Variants in FXN observed in about 807,000 individuals in gnomAD.
FXN encodes the protein frataxin, also known as frataxin, mitochondrial.
A neutral mutation model predicts 22.4 loss-of-function variants in FXN; 14 were observed. That is an observed-to-expected ratio of 0.62 (90% confidence interval 0.41 to 0.98). The LOEUF is 0.98. Among genes scored for constraint, FXN ranks in the 50% least tolerant of loss-of-function variants. FXN has a pLI of 0.00. For synonymous variants in FXN, 120 were observed against 114.1 expected, an observed-to-expected ratio of 1.05 and a Z score of -0.33; for missense variants, 267 against 268.4, an observed-to-expected ratio of 0.99 and a Z score of 0.04.
At chr9:69,069,199 A>G (rs1832226836) in intron 4 of FXN, among the ~76,000 whole-genome samples, 1 of 152,222 alleles carries the variant, frequency 6.6e-6, no homozygotes, top group South Asian at 2.1e-4. Flanking sequence ...CCCTGTCTCT[A>G]CTAAAAATAC....
chr9:69,070,853 T>A (rs577146696), intron 4 of FXN, among the ~76,000 whole-genome samples: 117 of 152,170 alleles, frequency 7.7e-4, no homozygotes, highest in African/African-American at 2.6e-3. Flanking sequence ...ATTTTTTTTG[T>A]CAACATGGGG....
chr9:69,050,979 CA>C (rs1482775479), intron 2 of FXN, among the ~76,000 whole-genome samples: 1 of 152,136 alleles, frequency 6.6e-6, no homozygotes, highest in Admixed American at 6.6e-5. Context: ...AGGGTTTCTC[CA>C]TGTTGGTCAA....
chr9:69,072,136 G>T (rs1411675), intron 4 of FXN, among the ~76,000 whole-genome samples: 2 of 152,130 alleles, frequency 1.3e-5, no homozygotes, highest in African/African-American at 4.8e-5. Context: ...TTGAAGCTAG[G>T]CAGAGGTAGT....
At chr9:69,071,331 A>G (rs995431536) in intron 4 of FXN, 10 of 518,284 alleles carry the variant, frequency 1.9e-5, no homozygotes, top group Non-Finnish European at 3.5e-5. Context: ...TAATGCAGGA[A>G]TCCTTGATAC....
intron 2 of FXN, among the ~76,000 whole-genome samples, 177 bp downstream of exon 2, chr9:69,046,659 C>G (rs777139953): frequency 7.2e-5 from 11 of 152,168 alleles, no homozygotes; most frequent in Non-Finnish European, 1.3e-4. Flanking sequence ...GTGACATAAT[C>G]CATTTAACCC....
intron 1 of FXN, 29 bp downstream of exon 1, chr9:69,035,976 G>GGCCGCAC (rs1831542608): frequency 1.4e-6 from 2 of 1,414,900 alleles, no homozygotes; most frequent in Non-Finnish European, 1.8e-6. Context: ...AACAGCCGCG[G>GGCCGCAC]GCCGCACGCC....
At chr9:69,059,082 GA>G (rs1179087724) in intron 3 of FXN, among the ~76,000 whole-genome samples, 1 of 151,868 alleles carries the variant, frequency 6.6e-6, no homozygotes, top group African/African-American at 2.4e-5. Flanking sequence ...AAAAAGAAAA[GA>G]AAAAGGAAAA....
At chr9:69,063,149 T>C (rs1832106488) in intron 3 of FXN, among the ~76,000 whole-genome samples, 1 of 152,152 alleles carries the variant, frequency 6.6e-6, no homozygotes, top group African/African-American at 2.4e-5. Context: ...CAGTGAGCCA[T>C]GATCCTGCCA....
chr9:69,065,310 G>A (rs879786964), intron 4 of FXN, among the ~76,000 whole-genome samples: 3 of 152,162 alleles, frequency 2.0e-5, no homozygotes, highest in Non-Finnish European at 4.4e-5. Flanking sequence ...GGAGGCCAAG[G>A]CCTGTGGATC....
chr9:69,053,470 T>TGG lies in FXN; in HGVS notation c.384+210_384+211insGG, dbSNP rs1564333626. Among the ~76,000 whole-genome samples the TGG allele has an allele frequency of 3.7e-3, 480 of 130,760 alleles. 9 individuals are homozygous for TGG. The highest frequency in any genetic ancestry group is 0.012 in the African/African-American group (419 of 33,768). The allele number at this position is 130,760 out of a possible 152,430, so 85.8% of individuals were successfully genotyped here. Reference sequence around the variant, plus strand: ...TGGGTGACAGAGCGAGACTCTGTCATAGATGGATGGATGGATGGATGGATG... The same window carrying TGG: ...TGGGTGACAGAGCGAGACTCTGTCATGGAGATGGATGGATGGATGGATGGATG... On this transcript the variant is annotated intron_variant, in intron 3 of 4. Transcript: ENST00000484259.
intron 3 of FXN, among the ~76,000 whole-genome samples, chr9:69,057,120 A>G (rs1831974961): frequency 6.6e-6 from 1 of 152,182 alleles, no homozygotes; most frequent in South Asian, 2.1e-4. Flanking sequence ...TTAGGGGAAA[A>G]AAAACTAATG....
intron 1 of FXN, among the ~76,000 whole-genome samples, chr9:69,038,364 C>T (rs1831599612): frequency 6.6e-6 from 1 of 152,138 alleles, no homozygotes; most frequent in Non-Finnish European, 1.5e-5. Context: ...TTTCTCCACC[C>T]CTTGCATCTA....
chr9:69,047,714 C>T (rs1831784245), intron 2 of FXN, among the ~76,000 whole-genome samples: 1 of 151,946 alleles, frequency 6.6e-6, no homozygotes, highest in South Asian at 2.1e-4. Context: ...TCATTTCTCT[C>T]TCTCTCTCTC....
chr9:69,067,493 G>T (rs117232782), intron 4 of FXN, among the ~76,000 whole-genome samples: 193 of 152,264 alleles, frequency 1.3e-3, no homozygotes, highest in Non-Finnish European at 1.4e-3. Context: ...ACATGCTGTG[G>T]CCCGGACAGT....
chr9:69,036,123 G>T (rs1048054462), intron 1 of FXN, 176 bp downstream of exon 1: 2 of 395,856 alleles, frequency 5.1e-6, no homozygotes, highest in African/African-American at 2.1e-5. Context: ...CCCTTCTCTG[G>T]TTCTCCCGGT....
chr9:69,074,411 G>A lies in FXN; in HGVS notation c.*1649G>A, dbSNP rs537684376. On this transcript the variant is annotated 3_prime_UTR_variant, in exon 5 of 5. Transcript: ENST00000484259. ...TGGCTGGGCATGGTGGCGTGCACCTGTAATCCCAGGTACTCAGGAGGCTGA... is the reference window on the plus strand; with the variant it reads ...TGGCTGGGCATGGTGGCGTGCACCTATAATCCCAGGTACTCAGGAGGCTGA... 8.1e-6 allele frequency: 8 copies of A among 982,464 alleles called. 1 individual carries two copies. In the South Asian group the frequency reaches 3.3e-4, roughly 41 times the overall value. The allele number at this position is 982,464 out of a possible 1,614,324, so 60.9% of individuals were successfully genotyped here. A position where few individuals can be genotyped will look rare whatever the true frequency, so the allele number is the denominator to read the frequency against.
chr9:69,044,782 G>A (rs902522022), intron 1 of FXN, among the ~76,000 whole-genome samples: 1 of 152,138 alleles, frequency 6.6e-6, no homozygotes, highest in East Asian at 1.9e-4. Flanking sequence ...GGTCAGCAGA[G>A]CTGGTGGTAA....
At chr9:69,042,206 C>T (rs11144902) in intron 1 of FXN, among the ~76,000 whole-genome samples, 69,895 of 149,984 alleles carry the variant, frequency 0.47, 16,291 homozygotes, top group Non-Finnish European at 0.48. Flanking sequence ...CCACTGCATT[C>T]CAGCCTGGGC....
At chr9:69,069,238 A>G (rs1465972292) in intron 4 of FXN, among the ~76,000 whole-genome samples, 1 of 152,120 alleles carries the variant, frequency 6.6e-6, no homozygotes, top group Non-Finnish European at 1.5e-5. Context: ...GGTGGCAGGC[A>G]CCTGTAATCC....
Sources: gnomAD v4.1 joint callset for allele counts (sites outside exome capture counted in the v4.1 genomes callset) on GRCh38, gnomAD v4.1.1 for gene constraint, MANE v1.5 for transcripts, NCBI Gene and HGNC (gene_info 2026-07-23, HGNC 2026-07-21) for gene names.